Variants in ZNF492 observed in about 807,000 individuals in gnomAD.
ZNF492 encodes zinc finger protein 115 (Y20).
In ZNF492, 3 loss-of-function variants were observed where a neutral mutation model predicts 6.4. The ratio of observed to expected loss-of-function variants is 0.47; its 90% CI spans 0.21 to 1.22. ZNF492 has a LOEUF of 1.22. Ranked by LOEUF, ZNF492 falls within the 50% of genes most tolerant of loss-of-function variation. The pLI is 0.22. For missense variants in ZNF492, 356 were observed against 612.5 expected (o/e 0.58, Z 4.42); for synonymous variants, 112 against 205.3 (o/e 0.55, Z 3.89).
chr19:22,663,199 C>T (rs994460734), intron 3 of ZNF492, among the ~76,000 whole-genome samples: 9 of 152,012 alleles, frequency 5.9e-5, no homozygotes, highest in African/African-American at 2.2e-4. Context: ...GGAATCCTTT[C>T]CCCATTTCTT....
intron 3 of ZNF492, among the ~76,000 whole-genome samples, chr19:22,654,500 T>C (rs765818882): frequency 6.6e-6 from 1 of 152,108 alleles, no homozygotes; most frequent in Non-Finnish European, 1.5e-5. Flanking sequence ...TTTGAAATTA[T>C]AAAGTATGAT....
rs767861877 is a variant in ZNF492 at position 22,664,244 on chromosome 19, C to G, written c.575C>G (p.Thr192Ser). ...CTTTCTACACATAAAAGAATTCATA[C>G]TGGAAAGAAACCCTACAAATGCGAA... ...SNLSTHKRIH[T>S]GKKPYKCEEC... Residue 192 changes from threonine to serine, a missense_variant, in exon 4 of 4, where the codon ACT becomes AGT. Coordinates refer to ENST00000456783, the MANE Select transcript of ZNF492 (RefSeq NM_020855.3). 5.0e-6 allele frequency: 8 copies of G among 1,609,634 alleles called. No homozygotes were observed. In the African/African-American group the frequency reaches 9.4e-5, roughly 19 times the overall value.
At chr19:22,660,483 T>G (rs1340002053) in intron 3 of ZNF492, among the ~76,000 whole-genome samples, 1 of 151,306 alleles carries the variant, frequency 6.6e-6, no homozygotes, top group Non-Finnish European at 1.5e-5. Context: ...ATAGTTTTAA[T>G]TTGGTATAAA....
intron 1 of ZNF492, among the ~76,000 whole-genome samples, chr19:22,637,043 C>T (rs1166419482): frequency 6.8e-6 from 1 of 146,380 alleles, no homozygotes; most frequent in Non-Finnish European, 1.5e-5. Flanking sequence ...GCAATCTCTG[C>T]CTCCTGGGTT....
Position 22,666,911 on chromosome 19 carries a change from A to T in ZNF492, c.*1646A>T, listed in dbSNP as rs181475761. Reference sequence around the variant, plus strand: ...TATTCCACTTACTTTAACCTAGTCCACCTTACTCAAGGGTGTAGGTAAAAG... The same window carrying T: ...TATTCCACTTACTTTAACCTAGTCCTCCTTACTCAAGGGTGTAGGTAAAAG... On this transcript the variant is annotated 3_prime_UTR_variant, in exon 4 of 4. Coordinates refer to ENST00000456783, the MANE Select transcript of ZNF492 (RefSeq NM_020855.3). 1 of 152,176 alleles carries T rather than the reference A, an allele frequency of 6.6e-6. No individual in the cohort carries two copies. Among genetic ancestry groups the T allele is most frequent in the Admixed American group, 6.6e-5 (1 of 15,264 alleles). The allele number at this position is 152,176 out of a possible 1,614,324, so 9.4% of individuals were successfully genotyped here. A position where few individuals can be genotyped will look rare whatever the true frequency, so the allele number is the denominator to read the frequency against.
At chr19:22,652,768 A>C (rs146625109) in intron 1 of ZNF492, among the ~76,000 whole-genome samples, 5,847 of 151,898 alleles carry the variant, frequency 0.038, 141 homozygotes, top group East Asian at 0.078. Context: ...TTTAGTAGAG[A>C]CAGGGTTTCA....
chr19:22,634,557 C>CCTCCCCGCAGTCGG lies in ZNF492; in HGVS notation c.-94+88_-94+101dup, dbSNP rs1251125944. 1.1e-3 allele frequency: 1,348 copies of CCTCCCCGCAGTCGG among 1,251,064 alleles called. 3 individuals carry two copies. The highest frequency in any genetic ancestry group is 1.3e-3 in the Non-Finnish European group (1,169 of 875,592). 77.5% of individuals were successfully genotyped at this position (1,251,064 alleles called of 1,614,324 possible). A position where few individuals can be genotyped will look rare whatever the true frequency, so the allele number is the denominator to read the frequency against. On this transcript the variant is annotated intron_variant, in intron 1 of 3. Transcript: ENST00000456783. ...GCAAGAGGCTGTGGCGGGACTCAGG[C>CCTCCCCGCAGTCGG]CTCCCCGCAGTCGGCTCCACAATCT... is the stretch of plus-strand genomic sequence containing the variant.
intron 3 of ZNF492, among the ~76,000 whole-genome samples, chr19:22,654,768 A>T (rs1971977333): frequency 6.7e-6 from 1 of 150,180 alleles, no homozygotes; most frequent in Non-Finnish European, 1.5e-5. Context: ...TGCCTGACTA[A>T]TTTTTGTATT....
chr19:22,639,830 T>G (rs1328103602), intron 1 of ZNF492, among the ~76,000 whole-genome samples: 1 of 151,904 alleles, frequency 6.6e-6, no homozygotes. Context: ...TCTTCCTGTT[T>G]GTATGCCTTT....
chr19:22,665,334 T>C lies in ZNF492; in HGVS notation c.*69T>C. 2.0e-6 allele frequency: 3 copies of C among 1,495,184 alleles called. No homozygotes were observed. Among genetic ancestry groups the C allele is most frequent in the Non-Finnish European group, 1.8e-6 (2 of 1,123,356 alleles). The allele number at this position is 1,495,184 out of a possible 1,614,324, so 92.6% of individuals were successfully genotyped here. A position where few individuals can be genotyped will look rare whatever the true frequency, so the allele number is the denominator to read the frequency against. The stretch of plus-strand genomic sequence containing the variant: ...GGATTGTAGGTAAGGTAATTCATTC[T>C]GGAGAAAACTTCTACAAGTGTGAAT... On this transcript the variant is annotated 3_prime_UTR_variant, in exon 4 of 4. Coordinates refer to ENST00000456783, the MANE Select transcript of ZNF492 (RefSeq NM_020855.3).
At position 22,652,221 on chromosome 19, in the gene ZNF492, C is replaced by CTTTTTTTTTTTTTTTTTTTTTT. The variant is rs59051481; in HGVS notation, c.-93-1069_-93-1068insTTTTTTTTTTTTTTTTTTTTTT. Among the ~76,000 whole-genome samples the CTTTTTTTTTTTTTTTTTTTTTT allele has an allele frequency of 1.3e-4, 14 of 105,472 alleles. 3 individuals carry two copies. Among genetic ancestry groups the CTTTTTTTTTTTTTTTTTTTTTT allele is most frequent in the African/African-American group, 6.8e-4 (12 of 17,624 alleles). 69.2% of individuals were successfully genotyped at this position (105,472 alleles called of 152,430 possible). On this transcript the variant is annotated intron_variant, in intron 1 of 3. Coordinates refer to ENST00000456783, the MANE Select transcript of ZNF492 (RefSeq NM_020855.3). ...AATCTGGCAGCTGACCTTTCTTAGG[C>CTTTTTTTTTTTTTTTTTTTTTT]TTTTTTTTTTTTTTTTTGAGACGGA...
At chr19:22,642,509 C>G (rs1423770877) in intron 1 of ZNF492, among the ~76,000 whole-genome samples, 1 of 138,816 alleles carries the variant, frequency 7.2e-6, no homozygotes, top group Non-Finnish European at 1.5e-5. Context: ...GCTGCCTCAG[C>G]CTCCTGCGTA....
At chr19:22,638,263 A>G (rs1197942994) in intron 1 of ZNF492, among the ~76,000 whole-genome samples, 2 of 152,092 alleles carry the variant, frequency 1.3e-5, no homozygotes, top group Non-Finnish European at 2.9e-5. Flanking sequence ...TGCTTTTGGT[A>G]TCTTTATTTT....
intron 1 of ZNF492, among the ~76,000 whole-genome samples, chr19:22,643,043 C>T (rs1971844433): frequency 6.6e-6 from 1 of 152,086 alleles, no homozygotes; most frequent in Admixed American, 6.6e-5. Flanking sequence ...GCGGGCTGAT[C>T]ATTTGAGGTC....
intron 3 of ZNF492, among the ~76,000 whole-genome samples, chr19:22,660,094 C>T (rs1301227900): frequency 6.6e-6 from 1 of 152,114 alleles, no homozygotes. Flanking sequence ...CTTCTGCTCT[C>T]ATTTGATTAA....
At chr19:22,663,331 C>T (rs1972077500) in intron 3 of ZNF492, among the ~76,000 whole-genome samples, 1 of 151,966 alleles carries the variant, frequency 6.6e-6, no homozygotes, top group Non-Finnish European at 1.5e-5. Context: ...ATCTCAGCAG[C>T]CTCAAACTGT....
intron 3 of ZNF492, among the ~76,000 whole-genome samples, chr19:22,655,160 GA>G (rs1245449232): frequency 6.6e-6 from 1 of 151,672 alleles, no homozygotes; most frequent in Non-Finnish European, 1.5e-5. Context: ...CAGGCGTGGT[GA>G]CAGGCGCCTG....
At position 22,664,978 on chromosome 19, in the gene ZNF492, T is replaced by C. The variant is rs200001555; in HGVS notation, c.1309T>C (p.Ser437Pro). 1.1e-5 allele frequency: 18 copies of C among 1,585,044 alleles called. No individual in the cohort carries two copies. The Admixed American group carries it at 1.4e-4, about 12-fold the overall frequency. The change falls in exon 4 of 4, where the codon TCT (serine) becomes CCT (proline). Residue 437 changes from serine (S) to proline (P), a missense_variant. Physicochemically the swap from Ser to Pro is moderately conservative, Grantham distance 74. Transcript: ENST00000456783. Reference protein sequence around the residue: ...GKAFNQSSTLSKHKVIHTGEK... With the variant: ...GKAFNQSSTLPKHKVIHTGEK... ...AGCTTTTAACCAGTCCTCAACTCTT[T>C]CTAAACATAAGGTAATTCATACTGG...
intron 3 of ZNF492, among the ~76,000 whole-genome samples, chr19:22,661,205 A>T (rs960862813): frequency 2.1e-5 from 3 of 143,642 alleles, no homozygotes; most frequent in African/African-American, 8.4e-5. Flanking sequence ...TTTTACCACC[A>T]AATTGTTTTT....
Sources: allele counts gnomAD v4.1 joint callset (sites outside exome capture counted in the v4.1 genomes callset), GRCh38; gene constraint gnomAD v4.1.1; transcripts MANE v1.5; gene names NCBI Gene and HGNC (gene_info 2026-07-23, HGNC 2026-07-21).